The following VEPH1 variants were observed in gnomAD, a reference collection of about 807,000 sequenced individuals.
VEPH1 encodes ventricular zone expressed PH domain containing 1.
VEPH1 carries 80 observed loss-of-function variants against 85.2 expected under a neutral mutation model. The ratio of observed to expected loss-of-function variants is 0.94; its 90% CI spans 0.78 to 1.13. The LOEUF (loss-of-function observed/expected upper bound fraction) is 1.13, where lower values mean the gene tolerates loss of function less well. Among genes scored for constraint, VEPH1 ranks in the 50% most tolerant of loss-of-function variants. The pLI, the probability that VEPH1 is intolerant of heterozygous loss-of-function variation, is 0.00. For missense variants in VEPH1, 955 were observed against 980.5 expected, an observed-to-expected ratio of 0.97 and a Z score of 0.35; for synonymous variants, 297 against 348.0, an observed-to-expected ratio of 0.85 and a Z score of 1.63.
At chr3:157,387,107 G>A (rs1729385937) in intron 6 of VEPH1, among the ~76,000 whole-genome samples, 1 of 152,144 alleles carries the variant, frequency 6.6e-6, no homozygotes, top group Non-Finnish European at 1.5e-5. Context: ...GGATGTGGCT[G>A]GATTTGGCCC....
intron 2 of VEPH1, among the ~76,000 whole-genome samples, chr3:157,479,186 G>A (rs768957211): frequency 6.6e-5 from 10 of 152,064 alleles, no homozygotes; most frequent in East Asian, 1.9e-4. Flanking sequence ...GTTTGGGCTC[G>A]ACATTGGGTC....
chr3:157,330,214 G>A (rs1277638839), intron 9 of VEPH1, among the ~76,000 whole-genome samples: 1 of 152,160 alleles, frequency 6.6e-6, no homozygotes, highest in African/African-American at 2.4e-5. Flanking sequence ...TAAATAAAGT[G>A]TTTTGAGATT....
chr3:157,449,255 C>A (rs988225740), intron 4 of VEPH1, among the ~76,000 whole-genome samples: 2 of 152,038 alleles, frequency 1.3e-5, no homozygotes, highest in Non-Finnish European at 2.9e-5. Flanking sequence ...TTAATAGATA[C>A]CTTTTATCAG....
intron 9 of VEPH1, among the ~76,000 whole-genome samples, chr3:157,340,397 T>C (rs1723412910): frequency 1.3e-5 from 2 of 152,086 alleles, no homozygotes; most frequent in Non-Finnish European, 2.9e-5. Context: ...GCTCAGAGGG[T>C]CCCATGCCCA....
At chr3:157,386,498 T>A (rs952596993) in intron 6 of VEPH1, among the ~76,000 whole-genome samples, 2 of 152,078 alleles carry the variant, frequency 1.3e-5, no homozygotes, top group Non-Finnish European at 2.9e-5. Flanking sequence ...GGGGAGGCAG[T>A]GGGGAAAAGA....
intron 11 of VEPH1, among the ~76,000 whole-genome samples, chr3:157,303,364 T>C (rs1719053712): frequency 6.6e-6 from 1 of 152,222 alleles, no homozygotes; most frequent in South Asian, 2.1e-4. Flanking sequence ...GTAGGGATCA[T>C]GATTGTTTGT....
intron 7 of VEPH1, 89 bp downstream of exon 7, chr3:157,381,067 C>T: frequency 7.4e-7 from 1 of 1,347,520 alleles, no homozygotes. Context: ...GTTTTAGCTT[C>T]CTTTGGAAGT....
chr3:157,338,348 G>A (rs1469382922), intron 9 of VEPH1, among the ~76,000 whole-genome samples: 2 of 152,028 alleles, frequency 1.3e-5, no homozygotes, highest in African/African-American at 4.8e-5. Flanking sequence ...CCCTCCTGAT[G>A]GACTGACTCC....
chr3:157,437,563 A>G, intron 4 of VEPH1: 3 of 1,602,606 alleles, frequency 1.9e-6, no homozygotes, highest in Non-Finnish European at 2.6e-6. Flanking sequence ...CAAGCTCTTC[A>G]TCATGCTGGA....
intron 9 of VEPH1, among the ~76,000 whole-genome samples, chr3:157,328,820 T>A (rs1297525880): frequency 6.6e-6 from 1 of 152,226 alleles, no homozygotes; most frequent in East Asian, 1.9e-4. Context: ...GATTAGTTTT[T>A]AAGTACTGGG....
chr3:157,457,989 G>A (rs759511213), intron 4 of VEPH1, among the ~76,000 whole-genome samples: 5 of 152,072 alleles, frequency 3.3e-5, no homozygotes, highest in African/African-American at 1.2e-4. Flanking sequence ...GAATCTGTCT[G>A]GTCCCAAGCT....
intron 1 of VEPH1, among the ~76,000 whole-genome samples, chr3:157,497,730 C>T (rs1384406733): frequency 6.6e-6 from 1 of 152,170 alleles, no homozygotes; most frequent in African/African-American, 2.4e-5. Flanking sequence ...TTTCTGCACA[C>T]TCCACATTTA....
intron 3 of VEPH1, 67 bp from the exon 4 acceptor site, chr3:157,460,422 A>C (rs1735762324): frequency 1.3e-6 from 2 of 1,530,058 alleles, no homozygotes; most frequent in East Asian, 2.3e-5. Flanking sequence ...TCATTCACTC[A>C]TTCAAAAAAT....
intron 9 of VEPH1, among the ~76,000 whole-genome samples, chr3:157,319,159 T>A (rs936925644): frequency 9.2e-5 from 14 of 151,658 alleles, no homozygotes; most frequent in African/African-American, 3.2e-4. Flanking sequence ...ATGTTAATAA[T>A]TAATAGCTTT....
intron 6 of VEPH1, chr3:157,413,593 T>C (rs1324833757): frequency 5.1e-6 from 5 of 985,232 alleles, no homozygotes; most frequent in Admixed American, 6.2e-5. Context: ...ACAGCAGCAA[T>C]AAAAGACTCA....
At position 157,313,601 on chromosome 3, in the gene VEPH1, C is replaced by T; in HGVS notation, c.2010+20G>A. On this transcript the variant is annotated intron_variant, in intron 11 of 13. Transcript: ENST00000362010. ...TCTTAAATCTTGGCCTGTAACATGG[C>T]CAAGGAAAGGAATATTTACCTTCTG... 1 of 1,611,884 alleles carries T rather than the reference C, an allele frequency of 6.2e-7. No homozygotes were observed. Among genetic ancestry groups the T allele is most frequent in the Non-Finnish European group, 8.5e-7 (1 of 1,178,442 alleles).
intron 9 of VEPH1, among the ~76,000 whole-genome samples, chr3:157,352,341 T>G (rs79054713): frequency 8.5e-4 from 130 of 152,358 alleles, no homozygotes; most frequent in Middle Eastern, 3.4e-3. Context: ...TCTTTTTGCT[T>G]TATTATATAT....
rs34035101 is a variant in VEPH1 at position 157,290,035 on chromosome 3, AACACACACAC to A, written c.2011-3371_2011-3362del. 3.8e-3 allele frequency among the ~76,000 whole-genome samples: 551 copies of A among 144,394 alleles called. 3 individuals carry two copies. The highest frequency in any genetic ancestry group is 0.023 in the South Asian group (101 of 4,366). 94.7% of individuals were successfully genotyped at this position (144,394 alleles called of 152,430 possible). A position where few individuals can be genotyped will look rare whatever the true frequency, so the allele number is the denominator to read the frequency against. On this transcript the variant is annotated intron_variant, in intron 11 of 13. Coordinates refer to ENST00000362010, the MANE Select transcript of VEPH1 (RefSeq NM_001167912.2). ...ATCAATTCCGTTGTTATTATACACA[AACACACACAC>A]ACACACACACACACACACACACACA... is the stretch of plus-strand genomic sequence containing the variant.
intron 6 of VEPH1, among the ~76,000 whole-genome samples, chr3:157,384,589 C>T (rs895792955): frequency 2.0e-5 from 3 of 152,018 alleles, no homozygotes; most frequent in Admixed American, 6.6e-5. Context: ...GGGTATTTGC[C>T]GAAATCAACA....
Sources: allele counts gnomAD v4.1 joint callset (sites outside exome capture counted in the v4.1 genomes callset), GRCh38; gene constraint gnomAD v4.1.1; transcripts MANE v1.5; gene names NCBI Gene and HGNC (gene_info 2026-07-23, HGNC 2026-07-21).